The following BBS4 variants were observed in gnomAD, a reference collection of about 807,000 sequenced individuals.
The protein encoded by BBS4 is Bardet-Biedl syndrome 4.
BBS4 carries 58 observed loss-of-function variants against 71.4 expected under a neutral mutation model. The ratio of observed to expected loss-of-function variants is 0.81; its 90% CI spans 0.66 to 1.01. The LOEUF (loss-of-function observed/expected upper bound fraction) is 1.01, where lower values mean the gene tolerates loss of function less well. Ranked by LOEUF, BBS4 falls within the 50% of genes least tolerant of loss-of-function variation. The pLI is 0.00. For missense variants in BBS4, 660 were observed against 607.9 expected, an observed-to-expected ratio of 1.09 and a Z score of -0.90; for synonymous variants, 228 against 216.8, an observed-to-expected ratio of 1.05 and a Z score of -0.46.
intron 2 of BBS4, among the ~76,000 whole-genome samples, chr15:72,703,867 C>T (rs2065218164): frequency 6.6e-6 from 1 of 151,960 alleles, no homozygotes; most frequent in South Asian, 2.1e-4. Flanking sequence ...GCATACTATC[C>T]CTAGCATTAA....
chr15:72,736,818 C>G lies in BBS4; in HGVS notation c.1305C>G (p.Val435=). The change falls in exon 15 of 16, where the codon GTC becomes GTG. Residue 435 remains valine (V), a synonymous_variant. Transcript: ENST00000268057. The stretch of plus-strand genomic sequence containing the variant: ...CTCTCCAGGTTGGGGAGGCACTGGT[C>G]TGGACCAAACCAGTTAAAGATCCCA... ...GAALQVGEAL[V]WTKPVKDPKS... The G allele has an allele frequency of 6.2e-7, 1 of 1,614,180 alleles. No individual in the cohort carries two copies. Among genetic ancestry groups the G allele is most frequent in the South Asian group, 1.1e-5 (1 of 91,076 alleles).
At position 72,724,578 on chromosome 15, in the gene BBS4, T is replaced by G; in HGVS notation, c.510T>G (p.Thr170=). 1 of 1,614,116 alleles carries G rather than the reference T, an allele frequency of 6.2e-7. No homozygotes were observed. The highest frequency in any genetic ancestry group is 8.5e-7 in the Non-Finnish European group (1 of 1,180,004). The stretch of plus-strand genomic sequence containing the variant: ...TGAATCTTAATAGGCACGATCTGAC[T>G]TATATAATGCTGGGGAAGATCCACT... The part of the protein sequence containing the change: ...NALNLNRHDL[T]YIMLGKIHLL... Residue 170 remains threonine (T), a synonymous_variant, in exon 8 of 16, where the codon ACT becomes ACG. Coordinates refer to ENST00000268057, the MANE Select transcript of BBS4 (RefSeq NM_033028.5).
Position 72,731,556 on chromosome 15 carries a change from C to T in BBS4, c.866C>T (p.Ala289Val). The T allele has an allele frequency of 6.2e-7, 1 of 1,614,182 alleles. No homozygotes were observed. Among genetic ancestry groups the T allele is most frequent in the Non-Finnish European group, 8.5e-7 (1 of 1,180,038 alleles). Residue 289 changes from alanine (A) to valine (V), a missense_variant and splice_region_variant, in exon 12 of 16, where the codon GCC becomes GTC. Transcript: ENST00000268057. ...CFFGKKKYVAAISCLKRANYL... is the reference protein window; with the variant it reads ...CFFGKKKYVAVISCLKRANYL... Reference sequence around the variant, plus strand: ...TTGAGTGCCCCTTCTCTCTCATAGGCCATCAGCTGCCTGAAACGAGCCAAC... The same window carrying T: ...TTGAGTGCCCCTTCTCTCTCATAGGTCATCAGCTGCCTGAAACGAGCCAAC...
rs565093441 is a variant in BBS4 at position 72,695,305 on chromosome 15, T to C, written c.76+77T>C. On this transcript the variant is annotated intron_variant, in intron 2 of 15. Transcript: ENST00000268057. ...TTTATTTATTTATTTATTTTTTTTTTTGGAGGCAGAGTCTCACTGTCACCC... is the reference window on the plus strand; with the variant it reads ...TTTATTTATTTATTTATTTTTTTTTCTGGAGGCAGAGTCTCACTGTCACCC... 7 of 1,094,892 alleles carry C rather than the reference T, an allele frequency of 6.4e-6. No individual in the cohort carries two copies. In the African/African-American group the frequency reaches 1.1e-4, roughly 18 times the overall value. The allele number at this position is 1,094,892 out of a possible 1,614,324, so 67.8% of individuals were successfully genotyped here.
At chr15:72,709,914 C>T in intron 3 of BBS4, 135 bp downstream of exon 3, 2 of 763,288 alleles carry the variant, frequency 2.6e-6, no homozygotes, top group Non-Finnish European at 4.5e-6. Context: ...ACTTCATACA[C>T]TGGTTATCTT....
chr15:72,708,447 T>C (rs909100465), intron 2 of BBS4, among the ~76,000 whole-genome samples: 2 of 152,200 alleles, frequency 1.3e-5, no homozygotes, highest in African/African-American at 4.8e-5. Context: ...CTTAATCCTG[T>C]TATCTTCGTA....
At chr15:72,688,731 A>T (rs893214253) in intron 1 of BBS4, among the ~76,000 whole-genome samples, 1 of 152,186 alleles carries the variant, frequency 6.6e-6, no homozygotes, top group African/African-American at 2.4e-5. Context: ...AAAAGAACCC[A>T]GTAATCCTAC....
At chr15:72,689,665 TG>T (rs1469492071) in intron 1 of BBS4, among the ~76,000 whole-genome samples, 1 of 151,982 alleles carries the variant, frequency 6.6e-6, no homozygotes, top group Non-Finnish European at 1.5e-5. Flanking sequence ...GAGGCTCCAG[TG>T]AGCCATGATC....
At chr15:72,689,923 G>A (rs947824537) in intron 1 of BBS4, among the ~76,000 whole-genome samples, 7 of 152,014 alleles carry the variant, frequency 4.6e-5, no homozygotes, top group Admixed American at 3.3e-4. Context: ...CCATTCTCCA[G>A]CCTGAGCCTC....
intron 1 of BBS4, among the ~76,000 whole-genome samples, chr15:72,692,832 G>T (rs1053480379): frequency 6.7e-6 from 1 of 148,260 alleles, no homozygotes; most frequent in Non-Finnish European, 1.5e-5. Flanking sequence ...TTCTAGGCTC[G>T]TGTGATCCTC....
At chr15:72,705,891 G>A (rs1408979607) in intron 2 of BBS4, among the ~76,000 whole-genome samples, 4 of 151,892 alleles carry the variant, frequency 2.6e-5, no homozygotes, top group Non-Finnish European at 5.9e-5. Context: ...AGCCCTGATT[G>A]TCTTTTATTG....
chr15:72,731,423 G>C lies in BBS4; in HGVS notation c.830G>C (p.Gly277Ala). ...AGTCCTCCACTCTGGAATAACATTG[G>C]AATGTGTTTCTTTGGCAAGAAGAAA... ...PESPPLWNNI[G>A]MCFFGKKKYV... The change falls in exon 11 of 16, where the codon GGA becomes GCA. Residue 277 changes from glycine to alanine, a missense_variant. Coordinates refer to ENST00000268057, the MANE Select transcript of BBS4 (RefSeq NM_033028.5). 1 of 1,614,170 alleles carries C rather than the reference G, an allele frequency of 6.2e-7. No individual in the cohort carries two copies. The highest frequency in any genetic ancestry group is 8.5e-7 in the Non-Finnish European group (1 of 1,180,040).
At position 72,695,244 on chromosome 15, in the gene BBS4, C is replaced by G; in HGVS notation, c.76+16C>G. ...CAGAAAAAAGGTCTGTATGCAGTTT[C>G]ATGGTATGTGTATGTTTGCACAGAC... On this transcript the variant is annotated intron_variant, in intron 2 of 15. Transcript: ENST00000268057. The G allele has an allele frequency of 6.5e-7, 1 of 1,534,578 alleles. No individual in the cohort carries two copies. Among genetic ancestry groups the G allele is most frequent in the South Asian group, 1.1e-5 (1 of 89,256 alleles).
At chr15:72,687,477 G>C (rs1254034476) in intron 1 of BBS4, among the ~76,000 whole-genome samples, 1 of 151,506 alleles carries the variant, frequency 6.6e-6, no homozygotes, top group Non-Finnish European at 1.5e-5. Context: ...CGTGGCGCTC[G>C]CCTGTAATCC....
intron 1 of BBS4, among the ~76,000 whole-genome samples, chr15:72,691,454 T>C (rs1471737393): frequency 6.6e-6 from 1 of 152,184 alleles, no homozygotes; most frequent in East Asian, 1.9e-4. Flanking sequence ...TCAGATGTAG[T>C]GTTTCTTCAA....
intron 4 of BBS4, among the ~76,000 whole-genome samples, chr15:72,712,989 C>T (rs999669736): frequency 2.6e-5 from 4 of 151,012 alleles, no homozygotes; most frequent in Admixed American, 6.6e-5. Flanking sequence ...TTCTTTAGGT[C>T]CTTATTCTAT....
chr15:72,691,273 T>C (rs1433426949), intron 1 of BBS4, among the ~76,000 whole-genome samples: 1 of 152,174 alleles, frequency 6.6e-6, no homozygotes, highest in Non-Finnish European at 1.5e-5. Flanking sequence ...TAATTTTTGT[T>C]GTTGTGAAAT....
At chr15:72,686,355 G>T in intron 1 of BBS4, 104 bp downstream of exon 1, 1 of 1,542,042 alleles carries the variant, frequency 6.5e-7, no homozygotes, top group Non-Finnish European at 8.7e-7. Context: ...GGAGCTGGGT[G>T]CCGAGCGTCT....
At chr15:72,690,782 A>G (rs759247696) in intron 1 of BBS4, among the ~76,000 whole-genome samples, 4 of 152,200 alleles carry the variant, frequency 2.6e-5, no homozygotes, top group Non-Finnish European at 4.4e-5. Flanking sequence ...ACAGAAACAA[A>G]TCTGCCTAAC....
Sources: allele counts gnomAD v4.1 joint callset (sites outside exome capture counted in the v4.1 genomes callset), GRCh38; gene constraint gnomAD v4.1.1; transcripts MANE v1.5; gene names NCBI Gene and HGNC (gene_info 2026-07-23, HGNC 2026-07-21).